The following GPC6 variants were observed in gnomAD, a reference collection of about 807,000 sequenced individuals.
The protein encoded by GPC6 is glypican-6.
GPC6 carries 14 observed loss-of-function variants against 55.2 expected under a neutral mutation model. The observed-to-expected ratio is 0.25, with a 90% CI of 0.17 to 0.40. The LOEUF (loss-of-function observed/expected upper bound fraction) is 0.40. Ranked by LOEUF, GPC6 falls within the 10% of genes least tolerant of loss-of-function variation. The pLI, the probability that GPC6 is intolerant of heterozygous loss-of-function variation, is 1.00. For missense variants in GPC6, 641 were observed against 708.5 expected (o/e 0.90, Z 1.08); for synonymous variants, 278 against 259.6 (o/e 1.07, Z -0.68).
chr13:93,853,515 A>G (rs1373922027), intron 3 of GPC6, among the ~76,000 whole-genome samples: 1 of 151,624 alleles, frequency 6.6e-6, no homozygotes, highest in African/African-American at 2.4e-5. Flanking sequence ...CGTTCTATAT[A>G]ATGCCTTAAT....
intron 3 of GPC6, among the ~76,000 whole-genome samples, chr13:93,931,765 GAAAA>G (rs545578327): frequency 2.0e-5 from 1 of 49,712 alleles, no homozygotes; most frequent in Non-Finnish European, 4.2e-5. Context: ...CTCTGTCTCA[GAAAA>G]AAAAAAAAAA....
At chr13:93,855,349 G>A (rs990381312) in intron 3 of GPC6, among the ~76,000 whole-genome samples, 7 of 151,522 alleles carry the variant, frequency 4.6e-5, no homozygotes, top group Non-Finnish European at 7.4e-5. Context: ...GTCTCTTCAT[G>A]GCCTGGTAGC....
chr13:94,354,870 G>A (rs1878715858), intron 6 of GPC6, among the ~76,000 whole-genome samples: 1 of 152,344 alleles, frequency 6.6e-6, no homozygotes. Flanking sequence ...GGGGATGACG[G>A]TGATGATGAT....
chr13:94,365,509 A>G (rs1370490809), intron 6 of GPC6, among the ~76,000 whole-genome samples: 2 of 152,236 alleles, frequency 1.3e-5, no homozygotes, highest in Non-Finnish European at 2.9e-5. Context: ...GCAAGTCTAC[A>G]TAGTTAAGTA....
chr13:93,487,374 T>C (rs535522941), intron 1 of GPC6, among the ~76,000 whole-genome samples: 1 of 152,332 alleles, frequency 6.6e-6, no homozygotes, highest in South Asian at 2.1e-4. Flanking sequence ...TCTCCCATCC[T>C]CTACCCTCAG....
At chr13:94,093,035 G>C (rs1337408097) in intron 4 of GPC6, among the ~76,000 whole-genome samples, 1 of 151,872 alleles carries the variant, frequency 6.6e-6, no homozygotes, top group African/African-American at 2.4e-5. Flanking sequence ...TAGATAAATG[G>C]TTTACAAATA....
At position 93,453,881 on chromosome 13, in the gene GPC6, G is replaced by A. The variant is rs562337643; in HGVS notation, c.161-91382G>A. On this transcript the variant is annotated intron_variant, in intron 1 of 8. Transcript: ENST00000377047. ...AGAACAAAGCTTCCACAGTGTGGAA[G>A]GGGACCTGAGCGGGCTGCCACTGCT... Among the ~76,000 whole-genome samples the A allele has an allele frequency of 6.5e-4, 99 of 152,208 alleles. 1 individual carries two copies. The South Asian group carries it at 0.02, about 30-fold the overall frequency.
chr13:93,274,466 A>T (rs188453589), intron 1 of GPC6, among the ~76,000 whole-genome samples: 2 of 152,336 alleles, frequency 1.3e-5, no homozygotes, highest in Non-Finnish European at 2.9e-5. Flanking sequence ...AAAAGAGGAC[A>T]TGATCCTTTG....
chr13:93,947,426 C>T (rs959638593), intron 3 of GPC6, among the ~76,000 whole-genome samples: 2 of 152,040 alleles, frequency 1.3e-5, no homozygotes, highest in African/African-American at 4.8e-5. Flanking sequence ...GATATAGTCC[C>T]ATAATTATAA....
intron 1 of GPC6, among the ~76,000 whole-genome samples, chr13:93,275,443 C>T (rs971187095): frequency 1.2e-4 from 19 of 152,240 alleles, no homozygotes; most frequent in Admixed American, 2.0e-4. Context: ...CTCAACAGAC[C>T]TCAAACATAA....
chr13:94,154,673 C>G (rs1300162575), intron 4 of GPC6, among the ~76,000 whole-genome samples: 1 of 152,084 alleles, frequency 6.6e-6, no homozygotes, highest in Non-Finnish European at 1.5e-5. Flanking sequence ...TTGCCCTTCC[C>G]ACCTCAATTT....
At chr13:93,280,729 G>A (rs1877921794) in intron 1 of GPC6, among the ~76,000 whole-genome samples, 1 of 152,296 alleles carries the variant, frequency 6.6e-6, no homozygotes, top group East Asian at 1.9e-4. Context: ...CAGTCATTTT[G>A]GCACCCAGGG....
Position 94,405,763 on chromosome 13 carries a change from A to C in GPC6, c.*2546A>C, listed in dbSNP as rs1881341537. ...CATAATGAGCCAGGCAGAGAGCTGA[A>C]ATGATATCAGTTAATGATGTCACAG... On this transcript the variant is annotated 3_prime_UTR_variant, in exon 9 of 9. Transcript: ENST00000377047. 1 of 152,142 alleles carries C rather than the reference A, an allele frequency of 6.6e-6. No homozygotes were observed. The highest frequency in any genetic ancestry group is 1.5e-5 in the Non-Finnish European group (1 of 68,012). 9.4% of individuals were successfully genotyped at this position (152,142 alleles called of 1,614,324 possible). A position where few individuals can be genotyped will look rare whatever the true frequency, so the allele number is the denominator to read the frequency against.
intron 6 of GPC6, among the ~76,000 whole-genome samples, chr13:94,324,298 T>C (rs1876991029): frequency 7.0e-6 from 1 of 142,048 alleles, no homozygotes; most frequent in Non-Finnish European, 1.5e-5. Context: ...CCGAGGACCA[T>C]CTATGAAAGC....
At chr13:93,325,983 G>C (rs1879639612) in intron 1 of GPC6, among the ~76,000 whole-genome samples, 1 of 152,126 alleles carries the variant, frequency 6.6e-6, no homozygotes, top group Non-Finnish European at 1.5e-5. Context: ...GGACATAATG[G>C]AGAGTAACAT....
rs111411005 is a variant in GPC6 at position 93,437,965 on chromosome 13, A to G, written c.161-107298A>G. Among the ~76,000 whole-genome samples the G allele has an allele frequency of 3.3e-3, 500 of 152,250 alleles. 4 individuals carry two copies. The highest frequency in any genetic ancestry group is 0.02 in the Middle Eastern group (6 of 294). ...TGATTTTAAATTGAGGCCAGTGATC[A>G]TTTACCATTCTGAAAATCCTAGGGC... On this transcript the variant is annotated intron_variant, in intron 1 of 8. Coordinates refer to ENST00000377047, the MANE Select transcript of GPC6 (RefSeq NM_005708.5).
At chr13:93,380,273 G>A (rs998047375) in intron 1 of GPC6, among the ~76,000 whole-genome samples, 1 of 152,036 alleles carries the variant, frequency 6.6e-6, no homozygotes, top group South Asian at 2.1e-4. Context: ...GAATTTGATG[G>A]GTACCTAGAT....
intron 2 of GPC6, among the ~76,000 whole-genome samples, chr13:93,564,668 T>C (rs1236374539): frequency 6.6e-6 from 1 of 152,190 alleles, no homozygotes; most frequent in Non-Finnish European, 1.5e-5. Context: ...TTTCCCTTCT[T>C]CTGAAGAACA....
intron 1 of GPC6, among the ~76,000 whole-genome samples, chr13:93,330,793 C>G (rs942656565): frequency 6.6e-6 from 1 of 152,168 alleles, no homozygotes. Flanking sequence ...TGGCTTCTTT[C>G]TTTCAACATA....
Sources: allele counts gnomAD v4.1 joint callset (sites outside exome capture counted in the v4.1 genomes callset), GRCh38; gene constraint gnomAD v4.1.1; transcripts MANE v1.5; gene names NCBI Gene and HGNC (gene_info 2026-07-23, HGNC 2026-07-21).